LEKR1: variants seen among roughly 807,000 people sequenced by gnomAD.
The protein encoded by LEKR1 is leucine, glutamate and lysine rich 1.
A neutral mutation model predicts 72.4 loss-of-function variants in LEKR1; 59 were observed. The ratio of observed to expected loss-of-function variants is 0.82; its 90% CI spans 0.66 to 1.01. The LOEUF (loss-of-function observed/expected upper bound fraction) is 1.01, where lower values mean the gene tolerates loss of function less well. LEKR1 is among the 50% of genes least tolerant of loss of function. LEKR1 has a pLI of 0.00. For synonymous variants in LEKR1, 257 were observed against 263.2 expected (o/e 0.98, Z 0.23); for missense variants, 728 against 759.2 (o/e 0.96, Z 0.48).
At chr3:156,963,646 A>G (rs1728312471) in intron 6 of LEKR1, among the ~76,000 whole-genome samples, 1 of 152,124 alleles carries the variant, frequency 6.6e-6, no homozygotes, top group Non-Finnish European at 1.5e-5. Context: ...TATAATCTAA[A>G]TAGCAGCTGA....
At chr3:156,936,124 C>T (rs982655716) in intron 5 of LEKR1, among the ~76,000 whole-genome samples, 3 of 152,030 alleles carry the variant, frequency 2.0e-5, no homozygotes, top group Non-Finnish European at 1.5e-5. Context: ...ATTAAACAAA[C>T]ACTATTCAGA....
At chr3:156,838,973 A>G (rs1713531722) in intron 2 of LEKR1, among the ~76,000 whole-genome samples, 1 of 152,218 alleles carries the variant, frequency 6.6e-6, no homozygotes, top group South Asian at 2.1e-4. Context: ...TTATTACTCA[A>G]ATCAATCTCC....
chr3:157,028,403 G>A lies in LEKR1; in HGVS notation c.1668+1G>A. On this transcript the variant is annotated splice_donor_variant, in intron 12 of 12. Coordinates refer to ENST00000356539, the MANE Select transcript of LEKR1 (RefSeq NM_001004316.3). LOFTEE classifies it high-confidence loss of function. Reference sequence around the variant, plus strand: ...GCAATTTAACCAGTCCCAGGAAGAGGTAGGAAGCAGATAGTGGTAACTTTG... The same window carrying A: ...GCAATTTAACCAGTCCCAGGAAGAGATAGGAAGCAGATAGTGGTAACTTTG... The A allele has an allele frequency of 1.3e-6, 2 of 1,577,196 alleles. No individual in the cohort carries two copies. Among genetic ancestry groups the A allele is most frequent in the Non-Finnish European group, 8.6e-7 (1 of 1,162,652 alleles).
chr3:156,989,402 G>A (rs911069235), intron 7 of LEKR1, among the ~76,000 whole-genome samples: 4 of 152,022 alleles, frequency 2.6e-5, no homozygotes, highest in Admixed American at 6.5e-5. Context: ...ATATTTTTAA[G>A]GCTTTTAATG....
At position 157,035,539 on chromosome 3, in the gene LEKR1, C is replaced by T. The variant is rs190423751; in HGVS notation, c.1668+7137C>T. ...ATGTTTCAGAACACAAGTAACCAGG[C>T]TTATGTATTAATAGCCATAAAAAAA... On this transcript the variant is annotated intron_variant, in intron 12 of 12. Coordinates refer to ENST00000356539, the MANE Select transcript of LEKR1 (RefSeq NM_001004316.3). Among the ~76,000 whole-genome samples, 710 of 152,242 alleles carry T rather than the reference C, an allele frequency of 4.7e-3. 4 individuals carry two copies. The highest frequency in any genetic ancestry group is 0.017 in the Middle Eastern group (5 of 294).
intron 9 of LEKR1, among the ~76,000 whole-genome samples, chr3:157,005,002 GTTTC>G (rs1732308607): frequency 6.6e-6 from 1 of 152,006 alleles, no homozygotes; most frequent in African/African-American, 2.4e-5. Flanking sequence ...ACAAAAATTT[GTTTC>G]TTTGAGATCA....
chr3:156,944,605 A>G (rs1259352937), intron 6 of LEKR1, among the ~76,000 whole-genome samples: 1 of 151,600 alleles, frequency 6.6e-6, no homozygotes, highest in Non-Finnish European at 1.5e-5. Flanking sequence ...CCACCATTCT[A>G]TTCTCTATTG....
At chr3:156,857,443 T>A (rs1716208278) in intron 3 of LEKR1, among the ~76,000 whole-genome samples, 1 of 152,152 alleles carries the variant, frequency 6.6e-6, no homozygotes, top group Non-Finnish European at 1.5e-5. Flanking sequence ...TCACTTGCCA[T>A]AAATAGAAGA....
At chr3:156,941,086 C>T (rs1257564660) in intron 5 of LEKR1, among the ~76,000 whole-genome samples, 2 of 151,922 alleles carry the variant, frequency 1.3e-5, no homozygotes, top group East Asian at 1.9e-4. Flanking sequence ...TAGTTTTCCT[C>T]ACACAAATTG....
intron 6 of LEKR1, among the ~76,000 whole-genome samples, chr3:156,948,968 A>G (rs1186706967): frequency 1.3e-5 from 2 of 151,470 alleles, no homozygotes; most frequent in Non-Finnish European, 1.5e-5. Context: ...TTCTTTTGAG[A>G]AGTGTCTGTT....
intron 7 of LEKR1, among the ~76,000 whole-genome samples, chr3:156,984,592 G>T (rs1299996608): frequency 6.6e-6 from 1 of 152,048 alleles, no homozygotes; most frequent in Non-Finnish European, 1.5e-5. Flanking sequence ...CAGGAGAATT[G>T]CTTGAACCCG....
intron 3 of LEKR1, among the ~76,000 whole-genome samples, chr3:156,903,634 A>C (rs1420265126): frequency 6.6e-6 from 1 of 152,226 alleles, no homozygotes; most frequent in Non-Finnish European, 1.5e-5. Context: ...TAACCTTAAC[A>C]AAGGACATTA....
Position 157,024,857 on chromosome 3 carries a change from T to C in LEKR1, c.1301T>C (p.Ile434Thr). The change falls in exon 11 of 13, where the codon ATT (isoleucine) becomes ACT (threonine). Residue 434 changes from isoleucine to threonine, a missense_variant. Coordinates refer to ENST00000356539, the MANE Select transcript of LEKR1 (RefSeq NM_001004316.3). ...GAAGAAACAAAATTGCAACTTGATATTGAAAAAGAAAAACACCAAGATGTA... is the reference window on the plus strand; with the variant it reads ...GAAGAAACAAAATTGCAACTTGATACTGAAAAAGAAAAACACCAAGATGTA... The part of the protein sequence containing the change: ...FKEETKLQLD[I>T]EKEKHQDVIQ... The C allele has an allele frequency of 1.9e-6, 3 of 1,609,964 alleles. No homozygotes were observed. The highest frequency in any genetic ancestry group is 2.5e-6 in the Non-Finnish European group (3 of 1,177,128).
intron 1 of LEKR1, chr3:156,826,603 C>T (rs1576614653): frequency 6.4e-6 from 1 of 155,578 alleles, no homozygotes; most frequent in Admixed American, 6.5e-5. Context: ...CCTCCCAGCC[C>T]CGGGGAACGC....
intron 3 of LEKR1, among the ~76,000 whole-genome samples, chr3:156,902,195 C>T (rs1722106237): frequency 6.6e-6 from 1 of 151,890 alleles, no homozygotes; most frequent in African/African-American, 2.4e-5. Context: ...GATTTGCTGA[C>T]CTATTTCCTA....
chr3:157,023,267 C>G (rs1288539192), intron 10 of LEKR1, among the ~76,000 whole-genome samples: 4 of 152,140 alleles, frequency 2.6e-5, no homozygotes, highest in African/African-American at 9.7e-5. Flanking sequence ...CTTTTCCAGT[C>G]TCTCTAGATG....
intron 6 of LEKR1, among the ~76,000 whole-genome samples, chr3:156,966,788 C>T (rs1728646465): frequency 6.6e-6 from 1 of 152,172 alleles, no homozygotes; most frequent in Non-Finnish European, 1.5e-5. Context: ...TAGTGGTTCT[C>T]CCAGCACGCA....
At chr3:156,903,588 A>C (rs1253814263) in intron 3 of LEKR1, among the ~76,000 whole-genome samples, 1 of 152,078 alleles carries the variant, frequency 6.6e-6, no homozygotes, top group Admixed American at 6.6e-5. Context: ...GAAAAAATGA[A>C]CTCTGGGAAG....
chr3:156,888,497 CAGA>C, intron 3 of LEKR1: 1 of 645,768 alleles, frequency 1.5e-6, no homozygotes, highest in South Asian at 1.7e-5. Flanking sequence ...GATACTAAGC[CAGA>C]AGATTTTGGA....
Sources: gnomAD v4.1 joint callset for allele counts (sites outside exome capture counted in the v4.1 genomes callset) on GRCh38, gnomAD v4.1.1 for gene constraint, MANE v1.5 for transcripts, NCBI Gene and HGNC (gene_info 2026-07-23, HGNC 2026-07-21) for gene names.